The following TAFA1 variants were observed in gnomAD, a reference collection of about 807,000 sequenced individuals.
TAFA1 encodes chemokine-like protein TAFA-1.
TAFA1 carries 4 observed loss-of-function variants against 18.5 expected under a neutral mutation model. The observed-to-expected ratio is 0.22, with a 90% CI of 0.11 to 0.49. TAFA1 has a LOEUF of 0.49. TAFA1 is among the 20% of genes least tolerant of loss of function. The pLI is 0.98. For missense variants in TAFA1, 147 were observed against 169.0 expected, an observed-to-expected ratio of 0.87 and a Z score of 0.72; for synonymous variants, 56 against 55.2, an observed-to-expected ratio of 1.01 and a Z score of -0.06.
intron 2 of TAFA1, among the ~76,000 whole-genome samples, chr3:68,253,806 A>G (rs958251203): frequency 6.6e-6 from 1 of 152,168 alleles, no homozygotes; most frequent in African/African-American, 2.4e-5. Flanking sequence ...AACAGGTAGT[A>G]TGTTTTAAAT....
At chr3:68,411,061 CT>C (rs759915647) in intron 2 of TAFA1, among the ~76,000 whole-genome samples, 7 of 152,194 alleles carry the variant, frequency 4.6e-5, no homozygotes, top group Non-Finnish European at 1.0e-4. Flanking sequence ...TTTTGGTTTC[CT>C]TTCTCTTTTT....
chr3:68,234,046 G>A (rs6771678), intron 2 of TAFA1, among the ~76,000 whole-genome samples: 29,017 of 152,086 alleles, frequency 0.19, 3,471 homozygotes, highest in Middle Eastern at 0.28. Flanking sequence ...GCTGAGTCTC[G>A]CTTTGCTGAA....
intron 2 of TAFA1, among the ~76,000 whole-genome samples, chr3:68,303,252 C>T (rs1008238385): frequency 6.6e-6 from 1 of 152,136 alleles, no homozygotes; most frequent in African/African-American, 2.4e-5. Flanking sequence ...TCTAGAACCA[C>T]ATTGCTTTTA....
At chr3:68,287,046 G>C (rs969559460) in intron 2 of TAFA1, among the ~76,000 whole-genome samples, 2 of 152,134 alleles carry the variant, frequency 1.3e-5, no homozygotes, top group African/African-American at 4.8e-5. Flanking sequence ...AGAACAGTCA[G>C]TTCTCAGGCC....
intron 2 of TAFA1, among the ~76,000 whole-genome samples, chr3:68,062,106 G>GCCAAAAAA (rs2064610916): frequency 6.6e-6 from 1 of 152,098 alleles, no homozygotes; most frequent in African/African-American, 2.4e-5. Flanking sequence ...AAACCTCTTA[G>GCCAAAAAA]TGACTATCAC....
intron 2 of TAFA1, among the ~76,000 whole-genome samples, chr3:68,117,767 A>C (rs2065341591): frequency 6.6e-6 from 1 of 152,212 alleles, no homozygotes; most frequent in Non-Finnish European, 1.5e-5. Context: ...AATTTTCATC[A>C]ATTTATAATG....
At chr3:68,191,318 G>A (rs552031316) in intron 2 of TAFA1, among the ~76,000 whole-genome samples, 7 of 151,800 alleles carry the variant, frequency 4.6e-5, no homozygotes, top group African/African-American at 1.7e-4. Flanking sequence ...TTAATTTAGA[G>A]CTTAAAGACA....
intron 2 of TAFA1, among the ~76,000 whole-genome samples, chr3:68,047,656 T>C (rs557962799): frequency 4.6e-5 from 7 of 152,180 alleles, no homozygotes; most frequent in Admixed American, 2.6e-4. Flanking sequence ...TTGTAAGTAA[T>C]GAAGGGGAGG....
At chr3:68,498,444 C>T (rs556375887) in intron 3 of TAFA1, among the ~76,000 whole-genome samples, 2 of 152,088 alleles carry the variant, frequency 1.3e-5, no homozygotes, top group African/African-American at 4.8e-5. Context: ...AATGCCACAG[C>T]TGTGCAAAAT....
intron 2 of TAFA1, among the ~76,000 whole-genome samples, chr3:68,383,883 A>G (rs1040944650): frequency 3.2e-4 from 49 of 152,100 alleles, no homozygotes; most frequent in African/African-American, 8.0e-4. Context: ...CAGGGATTCA[A>G]CTTCTTCCTG....
At chr3:68,308,811 A>C (rs1395033546) in intron 2 of TAFA1, among the ~76,000 whole-genome samples, 1 of 151,768 alleles carries the variant, frequency 6.6e-6, no homozygotes, top group African/African-American at 2.4e-5. Context: ...ACACACACAC[A>C]CTCACTCACT....
At chr3:68,500,656 A>AC (rs1311442058) in intron 3 of TAFA1, among the ~76,000 whole-genome samples, 1 of 152,054 alleles carries the variant, frequency 6.6e-6, no homozygotes, top group Non-Finnish European at 1.5e-5. Flanking sequence ...TAGCTGTGAC[A>AC]ATGAGTATGT....
intron 2 of TAFA1, among the ~76,000 whole-genome samples, chr3:68,155,246 C>T (rs2065853315): frequency 6.6e-6 from 1 of 152,154 alleles, no homozygotes; most frequent in Non-Finnish European, 1.5e-5. Flanking sequence ...CTCTGCAGTG[C>T]CTGATCAGTG....
intron 2 of TAFA1, among the ~76,000 whole-genome samples, chr3:68,391,118 A>G (rs2106710848): frequency 6.6e-6 from 1 of 152,290 alleles, no homozygotes; most frequent in Non-Finnish European, 1.5e-5. Context: ...CCTTGATAAA[A>G]GGTTACAGGA....
At chr3:68,393,837 T>C (rs1380536402) in intron 2 of TAFA1, among the ~76,000 whole-genome samples, 1 of 152,094 alleles carries the variant, frequency 6.6e-6, no homozygotes, top group Non-Finnish European at 1.5e-5. Context: ...AAACACTCAA[T>C]AAACTAGGTA....
At chr3:68,026,236 T>C (rs1362229247) in intron 2 of TAFA1, among the ~76,000 whole-genome samples, 1 of 151,778 alleles carries the variant, frequency 6.6e-6, no homozygotes, top group African/African-American at 2.4e-5. Context: ...AGGGCAGGGG[T>C]TGGCCCACAG....
At chr3:68,309,892 C>A (rs193224311) in intron 2 of TAFA1, among the ~76,000 whole-genome samples, 1 of 152,182 alleles carries the variant, frequency 6.6e-6, no homozygotes, top group Admixed American at 6.5e-5. Context: ...ATTATATATT[C>A]CTTTATGTCA....
At chr3:68,302,532 C>T (rs2068322561) in intron 2 of TAFA1, among the ~76,000 whole-genome samples, 1 of 151,934 alleles carries the variant, frequency 6.6e-6, no homozygotes, top group Non-Finnish European at 1.5e-5. Context: ...CTTTTCTTTT[C>T]TTGTTAATCT....
chr3:68,394,544 C>G (rs780036965), intron 2 of TAFA1, among the ~76,000 whole-genome samples: 1 of 152,302 alleles, frequency 6.6e-6, no homozygotes, highest in African/African-American at 2.4e-5. Flanking sequence ...TGCTACCTGA[C>G]TTCAAACCAT....
Sources: allele counts gnomAD v4.1 joint callset (sites outside exome capture counted in the v4.1 genomes callset), GRCh38; gene constraint gnomAD v4.1.1; transcripts MANE v1.5; gene names NCBI Gene and HGNC (gene_info 2026-07-23, HGNC 2026-07-21).